The following PATJ variants were observed in gnomAD, a reference collection of about 807,000 sequenced individuals.
PATJ encodes PATJ crumbs cell polarity complex component.
A neutral mutation model predicts 224.9 loss-of-function variants in PATJ; 190 were observed. The ratio of observed to expected loss-of-function variants is 0.84; its 90% CI spans 0.75 to 0.95. The LOEUF is 0.95. Among genes scored for constraint, PATJ ranks in the 40% least tolerant of loss-of-function variants. PATJ has a pLI of 0.00. For missense variants in PATJ, 2,121 were observed against 2,270.3 expected (o/e 0.93, Z 1.34); for synonymous variants, 769 against 820.3 (o/e 0.94, Z 1.07).
chr1:62,097,574 A>G (rs1294655993), intron 33 of PATJ, among the ~76,000 whole-genome samples: 1 of 152,178 alleles, frequency 6.6e-6, no homozygotes, highest in African/African-American at 2.4e-5. Flanking sequence ...GAGGCCCCAG[A>G]CATGACAGTA....
intron 41 of PATJ, among the ~76,000 whole-genome samples, chr1:62,141,819 A>C (rs1374674801): frequency 1.3e-5 from 2 of 151,944 alleles, no homozygotes; most frequent in Non-Finnish European, 2.9e-5. Flanking sequence ...AAATACAAAA[A>C]ATTAGCTGGG....
At chr1:61,853,694 G>A (rs993558581) in intron 17 of PATJ, among the ~76,000 whole-genome samples, 3 of 152,146 alleles carry the variant, frequency 2.0e-5, no homozygotes, top group Non-Finnish European at 4.4e-5. Context: ...AAAATAGACA[G>A]CTCTTTTATA....
At chr1:61,805,399 C>T (rs1464300536) in intron 12 of PATJ, 49 bp from the exon 13 acceptor site, 4 of 1,155,640 alleles carry the variant, frequency 3.5e-6, no homozygotes, top group South Asian at 2.5e-5. Context: ...GTTTGGCTCA[C>T]AGTAGTTTCA....
At chr1:62,153,861 G>T (rs1354341542) in intron 43 of PATJ, among the ~76,000 whole-genome samples, 1 of 152,166 alleles carries the variant, frequency 6.6e-6, no homozygotes, top group Non-Finnish European at 1.5e-5. Context: ...CCAGGGGGCT[G>T]AGGCAGAAAG....
intron 27 of PATJ, among the ~76,000 whole-genome samples, chr1:61,946,761 CAAAAA>C (rs770149967): frequency 6.6e-6 from 1 of 151,922 alleles, no homozygotes; most frequent in Non-Finnish European, 1.5e-5. Context: ...AGAGACACAA[CAAAAA>C]AAGAGAATTT....
intron 29 of PATJ, among the ~76,000 whole-genome samples, chr1:62,021,029 A>G (rs1046068518): frequency 6.6e-6 from 1 of 151,872 alleles, no homozygotes; most frequent in Non-Finnish European, 1.5e-5. Context: ...GGGTTTCACT[A>G]TGTTGGCCAG....
chr1:61,997,124 T>C (rs1290637022), intron 28 of PATJ, among the ~76,000 whole-genome samples: 1 of 152,194 alleles, frequency 6.6e-6, no homozygotes, highest in Non-Finnish European at 1.5e-5. Context: ...TAATACTAAA[T>C]ACTATTCACT....
At chr1:61,775,824 A>G (rs1031894259) in intron 7 of PATJ, among the ~76,000 whole-genome samples, 10 of 152,224 alleles carry the variant, frequency 6.6e-5, no homozygotes, top group Non-Finnish European at 1.5e-4. Flanking sequence ...TATTAAAAAA[A>G]TTAGCAACTG....
At chr1:62,071,900 C>CTA (rs1657487526) in intron 31 of PATJ, among the ~76,000 whole-genome samples, 3 of 152,158 alleles carry the variant, frequency 2.0e-5, no homozygotes, top group Admixed American at 2.0e-4. Flanking sequence ...TGTCTGTGTA[C>CTA]TACACCTCAC....
At chr1:62,088,227 A>C (rs1012781137) in intron 33 of PATJ, among the ~76,000 whole-genome samples, 2 of 152,152 alleles carry the variant, frequency 1.3e-5, no homozygotes, top group African/African-American at 4.8e-5. Context: ...GTCTCTCAGC[A>C]GTTCACAGAA....
Position 62,117,214 on chromosome 1 carries a change from G to A in PATJ, c.4886G>A (p.Ser1629Asn). The change falls in exon 37 of 44, where the codon AGT (serine) becomes AAT (asparagine). Residue 1629 changes from serine (S) to asparagine (N), a missense_variant. Ser to Asn is a conservative substitution (Grantham distance 46, BLOSUM62 1). Transcript: ENST00000642238. ...TCCGCAAGGACGACATCACAGAACA[G>A]TCAGGTTGTCGATGGCTTCTCATCA... is the stretch of plus-strand genomic sequence containing the variant. ...WTSARTTSQN[S>N]QGSQQSAHSS... 6.2e-7 allele frequency: 1 copy of A among 1,614,082 alleles called. No homozygotes were observed. The highest frequency in any genetic ancestry group is 8.5e-7 in the Non-Finnish European group (1 of 1,179,990).
intron 14 of PATJ, among the ~76,000 whole-genome samples, chr1:61,814,705 T>G: frequency 6.6e-6 from 1 of 152,232 alleles, no homozygotes; most frequent in East Asian, 1.9e-4. Flanking sequence ...AAAAATCCTC[T>G]TATAATTGGA....
intron 27 of PATJ, among the ~76,000 whole-genome samples, chr1:61,936,229 TATATAC>T (rs995540220): frequency 2.5e-4 from 38 of 149,264 alleles, no homozygotes; most frequent in African/African-American, 9.1e-4. Context: ...ATATAAAATA[TATATAC>T]ATATATATTT....
chr1:61,962,622 G>C (rs1180604833), intron 27 of PATJ, among the ~76,000 whole-genome samples: 1 of 152,204 alleles, frequency 6.6e-6, no homozygotes, highest in Non-Finnish European at 1.5e-5. Context: ...TTAACTTGTT[G>C]ACAAATTGCA....
At chr1:62,040,891 TG>T (rs1651361766) in intron 30 of PATJ, among the ~76,000 whole-genome samples, 1 of 152,200 alleles carries the variant, frequency 6.6e-6, no homozygotes, top group Non-Finnish European at 1.5e-5. Context: ...AATGGACCCT[TG>T]AAACAAAAGA....
At chr1:62,008,356 G>A (rs1352330598) in intron 28 of PATJ, among the ~76,000 whole-genome samples, 2 of 152,136 alleles carry the variant, frequency 1.3e-5, no homozygotes, top group African/African-American at 2.4e-5. Context: ...CATCTGGTCT[G>A]GCTTTCTCAT....
chr1:61,972,620 C>T (rs944335258), intron 27 of PATJ, among the ~76,000 whole-genome samples: 11 of 151,980 alleles, frequency 7.2e-5, no homozygotes, highest in African/African-American at 2.7e-4. Context: ...CTTTAAGACA[C>T]TCTCTATAAG....
intron 27 of PATJ, among the ~76,000 whole-genome samples, chr1:61,959,915 T>A (rs1407526690): frequency 6.6e-6 from 1 of 152,048 alleles, no homozygotes; most frequent in African/African-American, 2.4e-5. Flanking sequence ...CCCAGCTACT[T>A]GGGAGGCTGA....
chr1:61,861,488 T>A, intron 18 of PATJ, 63 bp from the exon 19 acceptor site: 70 of 662,964 alleles, frequency 1.1e-4, no homozygotes, highest in Non-Finnish European at 1.4e-4. Flanking sequence ...ATGCTCTCCC[T>A]CCCCTTGCTC....
Sources: allele counts gnomAD v4.1 joint callset (sites outside exome capture counted in the v4.1 genomes callset), GRCh38; gene constraint gnomAD v4.1.1; transcripts MANE v1.5; gene names NCBI Gene and HGNC (gene_info 2026-07-23, HGNC 2026-07-21).